RMDN2: variants seen among roughly 807,000 people sequenced by gnomAD.
RMDN2 encodes the protein regulator of microtubule dynamics 2.
A neutral mutation model predicts 52.8 loss-of-function variants in RMDN2; 61 were observed. The observed-to-expected ratio is 1.16, with a 90% CI of 0.94 to 1.43. The LOEUF (loss-of-function observed/expected upper bound fraction) is 1.43, where lower values mean the gene tolerates loss of function less well. RMDN2 is among the 40% of genes most tolerant of loss of function. The probability of loss-of-function intolerance (pLI) is 0.00; values close to 1 mark genes in which losing one functional copy is unlikely to be tolerated. For missense variants in RMDN2, 592 were observed against 475.3 expected, an observed-to-expected ratio of 1.25 and a Z score of -2.28; for synonymous variants, 180 against 153.1, an observed-to-expected ratio of 1.18 and a Z score of -1.30.
At chr2:37,980,955 AAT>A (rs1464338166) in intron 4 of RMDN2, among the ~76,000 whole-genome samples, 2 of 152,222 alleles carry the variant, frequency 1.3e-5, no homozygotes, top group Non-Finnish European at 2.9e-5. Flanking sequence ...GTTTGAATGG[AAT>A]ACAGAAAATT....
intron 10 of RMDN2, among the ~76,000 whole-genome samples, chr2:38,035,086 G>T (rs950802081): frequency 6.6e-6 from 1 of 152,096 alleles, no homozygotes; most frequent in African/African-American, 2.4e-5. Context: ...ATAAATTCAC[G>T]TGTGAAAAAC....
At chr2:37,925,154 C>A (rs1666162518), upstream of RMDN2, among the ~76,000 whole-genome samples, 1 of 152,126 alleles carries the variant, frequency 6.6e-6, no homozygotes, top group Non-Finnish European at 1.5e-5. Flanking sequence ...CCAGGCGCCC[C>A]GCGACGTGCA....
chr2:38,031,174 G>A (rs1172064106), intron 10 of RMDN2, among the ~76,000 whole-genome samples: 3 of 150,828 alleles, frequency 2.0e-5, no homozygotes, highest in Non-Finnish European at 2.9e-5. Flanking sequence ...AAGGTGCCCT[G>A]TACTACTTAA....
intron 7 of RMDN2, among the ~76,000 whole-genome samples, chr2:37,995,424 A>G (rs185449984): frequency 1.3e-5 from 2 of 152,210 alleles, no homozygotes; most frequent in Non-Finnish European, 2.9e-5. Flanking sequence ...GAGTGTAACT[A>G]TATAGTAAGT....
At chr2:37,991,894 T>G (rs893461140) in intron 7 of RMDN2, among the ~76,000 whole-genome samples, 1 of 152,196 alleles carries the variant, frequency 6.6e-6, no homozygotes, top group African/African-American at 2.4e-5. Context: ...TATAGAAAAT[T>G]ACAGAATGTG....
At chr2:38,056,428 C>G (rs911416411) in intron 10 of RMDN2, among the ~76,000 whole-genome samples, 7 of 152,184 alleles carry the variant, frequency 4.6e-5, no homozygotes, top group African/African-American at 1.7e-4. Flanking sequence ...TCTCCTCAAA[C>G]AGGAAATGAA....
intron 10 of RMDN2, among the ~76,000 whole-genome samples, chr2:38,059,897 T>C (rs1681974542): frequency 6.6e-6 from 1 of 151,714 alleles, no homozygotes; most frequent in African/African-American, 2.4e-5. Context: ...TTTGTTTTTG[T>C]TTTTGTTTTT....
At chr2:37,944,767 T>C (rs976766006) in intron 2 of RMDN2, among the ~76,000 whole-genome samples, 14 of 151,976 alleles carry the variant, frequency 9.2e-5, no homozygotes, top group African/African-American at 3.1e-4. Context: ...TGGAAGGAGG[T>C]TGTGTAATTA....
At chr2:38,019,050 A>C (rs554974227), downstream of RMDN2, among the ~76,000 whole-genome samples, 36 of 152,342 alleles carry the variant, frequency 2.4e-4, no homozygotes, top group African/African-American at 7.9e-4. Context: ...AACTGGTCTA[A>C]TGTTGAAACT....
intron 2 of RMDN2, among the ~76,000 whole-genome samples, chr2:37,935,146 G>A (rs934393724): frequency 1.1e-4 from 17 of 151,978 alleles, no homozygotes; most frequent in African/African-American, 3.6e-4. Context: ...CTGATTATTC[G>A]AAAATAACAC....
At chr2:37,963,551 T>A (rs1204426648) in intron 2 of RMDN2, among the ~76,000 whole-genome samples, 1 of 152,186 alleles carries the variant, frequency 6.6e-6, no homozygotes, top group African/African-American at 2.4e-5. Flanking sequence ...AGCATCTGTT[T>A]AACAAAGCAC....
At position 37,947,438 on chromosome 2, in the gene RMDN2, G is replaced by C. The variant is rs535074065; in HGVS notation, c.452+17709G>C. Among the ~76,000 whole-genome samples the C allele has an allele frequency of 6.6e-5, 10 of 152,238 alleles. No homozygotes were observed. The South Asian group carries it at 1.5e-3, about 22-fold the overall frequency. On this transcript the variant is annotated intron_variant, in intron 2 of 10. Coordinates refer to ENST00000354545, the MANE Select transcript of RMDN2 (RefSeq NM_001170791.3). ...TATGTATAAAATAACCAACATTTGT[G>C]CTAAATTCATTAAAAAAGCCATACT...
chr2:37,954,982 A>T (rs1376384299), intron 2 of RMDN2, among the ~76,000 whole-genome samples: 1 of 152,038 alleles, frequency 6.6e-6, no homozygotes, highest in Non-Finnish European at 1.5e-5. Flanking sequence ...TTTTTTTATA[A>T]TTCTTTCCAG....
At chr2:37,937,108 T>A (rs144386004) in intron 2 of RMDN2, among the ~76,000 whole-genome samples, 1 of 149,714 alleles carries the variant, frequency 6.7e-6, no homozygotes. Flanking sequence ...CCAGTTTCAG[T>A]TTTTTTTTGC....
At chr2:37,952,734 A>T (rs1668996089) in intron 2 of RMDN2, 1 of 153,892 alleles carries the variant, frequency 6.5e-6, no homozygotes, top group Admixed American at 6.5e-5. Context: ...ACAAGAATCA[A>T]ATTAGAAGTT....
intron 5 of RMDN2, among the ~76,000 whole-genome samples, chr2:37,981,719 A>G (rs962574782): frequency 2.0e-5 from 3 of 152,204 alleles, no homozygotes; most frequent in African/African-American, 7.2e-5. Context: ...GCATTGATGC[A>G]TCGTAATATA....
At chr2:38,052,788 A>G (rs1442767639) in intron 10 of RMDN2, among the ~76,000 whole-genome samples, 1 of 152,132 alleles carries the variant, frequency 6.6e-6, no homozygotes, top group Non-Finnish European at 1.5e-5. Context: ...CTCTGTTCCC[A>G]AGGATTACAG....
chr2:37,952,076 T>C (rs747091527), intron 2 of RMDN2: 32 of 1,613,274 alleles, frequency 2.0e-5, no homozygotes, highest in East Asian at 1.1e-4. Context: ...CTTCATCTTA[T>C]AAAAATTCTG....
At chr2:38,013,576 A>C (rs1245826258) in intron 10 of RMDN2, among the ~76,000 whole-genome samples, 2 of 152,240 alleles carry the variant, frequency 1.3e-5, no homozygotes, top group Non-Finnish European at 2.9e-5. Flanking sequence ...GTTGAGAAGC[A>C]TAACTCTCAT....
Sources: gnomAD v4.1 joint callset for allele counts (sites outside exome capture counted in the v4.1 genomes callset) on GRCh38, gnomAD v4.1.1 for gene constraint, MANE v1.5 for transcripts, NCBI Gene and HGNC (gene_info 2026-07-23, HGNC 2026-07-21) for gene names.